The following METAP1D variants were observed in gnomAD, a reference collection of about 807,000 sequenced individuals.
The protein encoded by METAP1D is methionyl aminopeptidase type 1D, mitochondrial.
In METAP1D, 31 loss-of-function variants were observed where a neutral mutation model predicts 40.5. The ratio of observed to expected loss-of-function variants is 0.77; its 90% CI spans 0.58 to 1.03. METAP1D has a LOEUF of 1.03. Among genes scored for constraint, METAP1D ranks in the 50% least tolerant of loss-of-function variants. METAP1D has a pLI of 0.00. For synonymous variants in METAP1D, 151 were observed against 146.4 expected, an observed-to-expected ratio of 1.03 and a Z score of -0.22; for missense variants, 411 against 420.7, an observed-to-expected ratio of 0.98 and a Z score of 0.20.
chr2:172,018,647 A>G (rs946633133), intron 1 of METAP1D, among the ~76,000 whole-genome samples: 1 of 152,180 alleles, frequency 6.6e-6, no homozygotes, highest in Admixed American at 6.6e-5. Flanking sequence ...GGCTAGCAAC[A>G]TAGTATCCCG....
At chr2:172,047,606 G>C (rs4611617) in intron 1 of METAP1D, among the ~76,000 whole-genome samples, 2 of 151,990 alleles carry the variant, frequency 1.3e-5, no homozygotes, top group South Asian at 2.1e-4. Flanking sequence ...GCTAATTTTT[G>C]TATTTTTCAT....
chr2:172,078,736 C>T (rs950236750), intron 7 of METAP1D, among the ~76,000 whole-genome samples: 6 of 152,168 alleles, frequency 3.9e-5, no homozygotes, highest in African/African-American at 7.2e-5. Context: ...AGCCTTGTGC[C>T]CTACCTGGTG....
At chr2:172,065,013 A>T (rs996176570) in intron 3 of METAP1D, among the ~76,000 whole-genome samples, 8 of 152,216 alleles carry the variant, frequency 5.3e-5, no homozygotes, top group Non-Finnish European at 1.0e-4. Context: ...TAAGGAAAAA[A>T]TATTTTAAAA....
At position 172,065,752 on chromosome 2, in the gene METAP1D, G is replaced by A; in HGVS notation, c.497G>A (p.Ser166Asn). Residue 166 changes from serine (S) to asparagine (N), a missense_variant and splice_region_variant, in exon 4 of 10, where the codon AGT (serine) becomes AAT (asparagine). Transcript: ENST00000315796. ...NNVLCHGIPD[S>N]RPLQDGDIIN... ...GTGCTCTGTCATGGTATTCCTGACA[G>A]GTATTCAGTTCTTAATAACATATTG... 1.9e-6 allele frequency: 3 copies of A among 1,613,090 alleles called. No homozygotes were observed. Among genetic ancestry groups the A allele is most frequent in the Non-Finnish European group, 2.5e-6 (3 of 1,179,638 alleles).
chr2:172,013,204 G>A (rs1157113692), intron 1 of METAP1D, among the ~76,000 whole-genome samples: 4 of 152,180 alleles, frequency 2.6e-5, no homozygotes, highest in African/African-American at 4.8e-5. Context: ...TCCGGCTGTC[G>A]AGCAGCAGGA....
At chr2:172,026,617 G>T (rs1479975969) in intron 1 of METAP1D, among the ~76,000 whole-genome samples, 2 of 152,130 alleles carry the variant, frequency 1.3e-5, no homozygotes, top group Admixed American at 1.3e-4. Flanking sequence ...CATTCTGTTT[G>T]CTGTAGAAAC....
intron 1 of METAP1D, among the ~76,000 whole-genome samples, chr2:172,015,980 G>A: frequency 6.7e-6 from 1 of 149,862 alleles, no homozygotes. Context: ...TAGAGAGCCG[G>A]GCATGGTGGC....
intron 1 of METAP1D, among the ~76,000 whole-genome samples, chr2:172,059,142 T>C (rs1358148854): frequency 6.6e-6 from 1 of 151,178 alleles, no homozygotes; most frequent in East Asian, 2.0e-4. Context: ...AGAGTCTTGC[T>C]CTGTCACCCA....
chr2:172,011,060 G>A (rs1439443336), intron 1 of METAP1D, among the ~76,000 whole-genome samples: 1 of 150,196 alleles, frequency 6.7e-6, no homozygotes, highest in African/African-American at 2.5e-5. Flanking sequence ...CAGCCTGTCT[G>A]TTCAATCTTA....
At chr2:172,002,907 G>A (rs544910413) in intron 1 of METAP1D, among the ~76,000 whole-genome samples, 3 of 151,970 alleles carry the variant, frequency 2.0e-5, no homozygotes, top group African/African-American at 2.4e-5. Flanking sequence ...CTCTTGTGAC[G>A]CCTCAACTCA....
chr2:172,020,302 G>A (rs1688976084), intron 1 of METAP1D, among the ~76,000 whole-genome samples: 1 of 152,058 alleles, frequency 6.6e-6, no homozygotes, highest in African/African-American at 2.4e-5. Context: ...AGTTTTAAGT[G>A]GTTTTTAAAA....
At chr2:172,068,929 C>A (rs763336088) in intron 5 of METAP1D, among the ~76,000 whole-genome samples, 5 of 148,112 alleles carry the variant, frequency 3.4e-5, no homozygotes, top group Non-Finnish European at 7.5e-5. Flanking sequence ...TCTTTTTTTA[C>A]TTTTTCAGAT....
chr2:172,065,276 T>C (rs1690242346), intron 3 of METAP1D, among the ~76,000 whole-genome samples: 1 of 151,974 alleles, frequency 6.6e-6, no homozygotes, highest in Non-Finnish European at 1.5e-5. Context: ...TGAGAAAGAG[T>C]AAGGAATTGC....
Position 172,004,342 on chromosome 2 carries a change from G to A in METAP1D, c.40+4333G>A, listed in dbSNP as rs189645214. Reference sequence around the variant, plus strand: ...CAACTTTTCTTTTTTTTTTTAAATCGAGACGGAGTCTTGCTCTGTTGCCCA... The same window carrying A: ...CAACTTTTCTTTTTTTTTTTAAATCAAGACGGAGTCTTGCTCTGTTGCCCA... On this transcript the variant is annotated intron_variant, in intron 1 of 9. Transcript: ENST00000315796. Among the ~76,000 whole-genome samples the A allele has an allele frequency of 4.0e-5, 6 of 150,796 alleles. No homozygotes were observed. The East Asian group carries it at 1.2e-3, about 29-fold the overall frequency.
intron 1 of METAP1D, among the ~76,000 whole-genome samples, chr2:172,013,009 G>C (rs1335797292): frequency 6.6e-6 from 1 of 152,192 alleles, no homozygotes; most frequent in Non-Finnish European, 1.5e-5. Flanking sequence ...CTGTAAATCT[G>C]GAGAATTTAG....
intron 1 of METAP1D, 102 bp downstream of exon 1, chr2:172,000,111 C>A: frequency 2.0e-6 from 2 of 1,012,844 alleles, no homozygotes; most frequent in Non-Finnish European, 2.6e-6. Flanking sequence ...CTTCTCGGCG[C>A]ACACGACTGT....
At chr2:172,061,816 C>T in intron 2 of METAP1D, 161 bp downstream of exon 2, 1 of 531,180 alleles carries the variant, frequency 1.9e-6, no homozygotes, top group Non-Finnish European at 3.2e-6. Context: ...TTTTAATATC[C>T]TGCAATTCTA....
At position 172,064,024 on chromosome 2, in the gene METAP1D, G is replaced by C. The variant is rs1025955827; in HGVS notation, c.348+164G>C. The C allele has an allele frequency of 2.5e-5, 21 of 825,024 alleles. No individual in the cohort carries two copies. The African/African-American group carries it at 3.6e-4, about 14-fold the overall frequency. 51.1% of individuals were successfully genotyped at this position (825,024 alleles called of 1,614,324 possible). A position where few individuals can be genotyped will look rare whatever the true frequency, so the allele number is the denominator to read the frequency against. On this transcript the variant is annotated intron_variant, in intron 3 of 9. Coordinates refer to ENST00000315796, the MANE Select transcript of METAP1D (RefSeq NM_199227.3). Reference sequence around the variant, plus strand: ...TAAAAATTAAGTAAAGCCTTGGGATGGGGAAAAGGAATTTTATTATTTTAT... The same window carrying C: ...TAAAAATTAAGTAAAGCCTTGGGATCGGGAAAAGGAATTTTATTATTTTAT...
chr2:172,013,945 C>T (rs563520934), intron 1 of METAP1D, among the ~76,000 whole-genome samples: 59 of 151,192 alleles, frequency 3.9e-4, no homozygotes, highest in Admixed American at 1.5e-3. Flanking sequence ...CTCAGCTTCC[C>T]GAGTAGCTGG....
Sources: allele counts gnomAD v4.1 joint callset (sites outside exome capture counted in the v4.1 genomes callset), GRCh38; gene constraint gnomAD v4.1.1; transcripts MANE v1.5; gene names NCBI Gene and HGNC (gene_info 2026-07-23, HGNC 2026-07-21).